ANKFN1: variants seen among roughly 807,000 people sequenced by gnomAD.
ANKFN1 encodes the protein ankyrin repeat and fibronectin type-III domain-containing protein 1.
In ANKFN1, 74 loss-of-function variants were observed where a neutral mutation model predicts 108.7. That is an observed-to-expected ratio of 0.68 (90% CI 0.56 to 0.83). The LOEUF (loss-of-function observed/expected upper bound fraction) is 0.83. Ranked by LOEUF, ANKFN1 falls within the 40% of genes least tolerant of loss-of-function variation. ANKFN1 has a pLI of 0.00. For missense variants in ANKFN1, 1,505 were observed against 1,382.3 expected (o/e 1.09, Z -1.41); for synonymous variants, 547 against 516.2 (o/e 1.06, Z -0.81).
At chr17:56,219,289 C>T (rs897788951) in intron 2 of ANKFN1, among the ~76,000 whole-genome samples, 3 of 151,868 alleles carry the variant, frequency 2.0e-5, no homozygotes, top group African/African-American at 2.4e-5. Flanking sequence ...CTCCGTCACC[C>T]AGGCTGGAGT....
intron 3 of ANKFN1, among the ~76,000 whole-genome samples, chr17:56,296,899 A>T (rs1427707855): frequency 1.3e-5 from 2 of 152,166 alleles, no homozygotes; most frequent in Non-Finnish European, 2.9e-5. Context: ...ACCCACACAT[A>T]GCATGCTTGG....
At chr17:56,312,398 G>T (rs1361126815) in intron 3 of ANKFN1, among the ~76,000 whole-genome samples, 1 of 152,110 alleles carries the variant, frequency 6.6e-6, no homozygotes, top group African/African-American at 2.4e-5. Flanking sequence ...AGACCTCAGG[G>T]TTAGCATCTA....
At chr17:56,314,565 T>C in intron 3 of ANKFN1, among the ~76,000 whole-genome samples, 1 of 152,242 alleles carries the variant, frequency 6.6e-6, no homozygotes, top group East Asian at 1.9e-4. Context: ...GTAATATGAC[T>C]ATTCTAGCAT....
At chr17:56,391,889 A>G (rs955229634) in intron 8 of ANKFN1, among the ~76,000 whole-genome samples, 1 of 152,148 alleles carries the variant, frequency 6.6e-6, no homozygotes, top group African/African-American at 2.4e-5. Flanking sequence ...ACATACCCAT[A>G]TATAAAATAG....
chr17:56,146,638 T>C (rs1354788920), intron 4 of ANKFN1, among the ~76,000 whole-genome samples: 2 of 152,220 alleles, frequency 1.3e-5, no homozygotes, highest in Non-Finnish European at 2.9e-5. Flanking sequence ...TTGGCCCCTT[T>C]TAGCTGTGGC....
intron 1 of ANKFN1, among the ~76,000 whole-genome samples, chr17:56,182,776 G>C (rs1287253839): frequency 2.0e-5 from 3 of 152,164 alleles, no homozygotes; most frequent in Non-Finnish European, 2.9e-5. Flanking sequence ...TTTTTAGCTA[G>C]AGAATAGAAG....
At chr17:56,159,184 T>A (rs1470434310) in intron 1 of ANKFN1, among the ~76,000 whole-genome samples, 4 of 152,202 alleles carry the variant, frequency 2.6e-5, no homozygotes, top group Admixed American at 2.6e-4. Context: ...TGAATGAAAG[T>A]CATCATTCTG....
intron 8 of ANKFN1, among the ~76,000 whole-genome samples, chr17:56,428,983 A>C (rs1276354457): frequency 6.6e-6 from 1 of 152,112 alleles, no homozygotes; most frequent in Non-Finnish European, 1.5e-5. Flanking sequence ...GAGGGATGCA[A>C]AATTGAGTTA....
At position 56,084,790 on chromosome 17, in the gene ANKFN1, G is replaced by A. The variant is rs150290988; in HGVS notation, c.288+38465G>A. 1.7e-3 allele frequency among the ~76,000 whole-genome samples: 261 copies of A among 151,344 alleles called. 6 individuals are homozygous for A. The highest frequency in any genetic ancestry group is 6.1e-3 in the African/African-American group (250 of 41,280). On this transcript the variant is annotated intron_variant, in intron 4 of 12. Transcript: ENST00000635860. ...GCTTGATGAAGAAAGCCTTCAAGTTGTAGAATGAGATGAAAGTGGCTCTGG... is the reference window on the plus strand; with the variant it reads ...GCTTGATGAAGAAAGCCTTCAAGTTATAGAATGAGATGAAAGTGGCTCTGG...
chr17:56,470,916 C>G (rs1675672286), intron 15 of ANKFN1, among the ~76,000 whole-genome samples: 2 of 152,174 alleles, frequency 1.3e-5, no homozygotes, highest in African/African-American at 4.8e-5. Flanking sequence ...AACAGAAAGG[C>G]CCCTCTCAGG....
intron 1 of ANKFN1, among the ~76,000 whole-genome samples, chr17:56,189,179 T>TTTTTTTTTTTTTTTTTG (rs1244013476): frequency 4.5e-5 from 5 of 111,374 alleles, no homozygotes; most frequent in African/African-American, 1.5e-4. Flanking sequence ...ACTTTTTTTT[T>TTTTTTTTTTTTTTTTTG]TTTTTTTTTG....
intron 4 of ANKFN1, among the ~76,000 whole-genome samples, chr17:56,079,709 T>TA (rs1905222956): frequency 6.6e-6 from 1 of 152,182 alleles, no homozygotes; most frequent in African/African-American, 2.4e-5. Context: ...TTGGGGCCAG[T>TA]AAAAAATATC....
At chr17:56,245,738 A>G (rs1331646375) in intron 3 of ANKFN1, 1 of 152,170 alleles carries the variant, frequency 6.6e-6, no homozygotes, top group Non-Finnish European at 1.5e-5. Flanking sequence ...AGACACTATC[A>G]AGGGAAAAGC....
At chr17:56,441,594 G>C (rs1441166408) in intron 9 of ANKFN1, among the ~76,000 whole-genome samples, 1 of 152,120 alleles carries the variant, frequency 6.6e-6, no homozygotes, top group Non-Finnish European at 1.5e-5. Flanking sequence ...GGGCCAGAAG[G>C]AACCCTAGGG....
intron 4 of ANKFN1, among the ~76,000 whole-genome samples, chr17:56,349,609 A>G (rs887881281): frequency 4.6e-5 from 7 of 152,134 alleles, no homozygotes; most frequent in Non-Finnish European, 1.0e-4. Flanking sequence ...TTGAAAGCCT[A>G]CAACAACAAA....
At chr17:56,396,541 G>A (rs529626461) in intron 8 of ANKFN1, among the ~76,000 whole-genome samples, 1 of 150,672 alleles carries the variant, frequency 6.6e-6, no homozygotes, top group African/African-American at 2.4e-5. Flanking sequence ...GAAACTTCTG[G>A]TTTTTTTTTG....
At chr17:56,059,830 A>T (rs1323617722) in intron 4 of ANKFN1, among the ~76,000 whole-genome samples, 2 of 152,190 alleles carry the variant, frequency 1.3e-5, no homozygotes, top group African/African-American at 4.8e-5. Context: ...TGCTTACTGT[A>T]GCCTTGTAGT....
At chr17:56,506,027 T>C (rs2051545768) in intron 20 of ANKFN1, among the ~76,000 whole-genome samples, 1 of 133,128 alleles carries the variant, frequency 7.5e-6, no homozygotes, top group East Asian at 2.5e-4. Context: ...TCATAACCTA[T>C]GAAAGTGACA....
chr17:56,226,290 C>A (rs1916263909), intron 2 of ANKFN1, among the ~76,000 whole-genome samples: 1 of 152,056 alleles, frequency 6.6e-6, no homozygotes, highest in African/African-American at 2.4e-5. Flanking sequence ...ACTATAGAAT[C>A]CATCTAAGAA....
Sources: allele counts gnomAD v4.1 joint callset (sites outside exome capture counted in the v4.1 genomes callset), GRCh38; gene constraint gnomAD v4.1.1; transcripts MANE v1.5; gene names NCBI Gene and HGNC (gene_info 2026-07-23, HGNC 2026-07-21).